CDH18: variants seen among roughly 807,000 people sequenced by gnomAD.
CDH18 encodes the protein cadherin 18, also known as cadherin-18.
CDH18 carries 31 observed loss-of-function variants against 67.9 expected under a neutral mutation model. The ratio of observed to expected loss-of-function variants is 0.46; its 90% confidence interval spans 0.34 to 0.62. The LOEUF (loss-of-function observed/expected upper bound fraction) is 0.62, where lower values mean the gene tolerates loss of function less well. Ranked by LOEUF, CDH18 falls within the 20% of genes least tolerant of loss-of-function variation. CDH18 has a pLI of 0.01. For missense variants in CDH18, 890 were observed against 975.5 expected (o/e 0.91, Z 1.17); for synonymous variants, 362 against 347.2 (o/e 1.04, Z -0.48).
At chr5:20,085,395 CCTAGG>C (rs1744854085) in intron 2 of CDH18, among the ~76,000 whole-genome samples, 3 of 152,208 alleles carry the variant, frequency 2.0e-5, no homozygotes, top group Non-Finnish European at 2.9e-5. Flanking sequence ...TCAACAAATC[CCTAGG>C]AAATTCCAAA....
intron 1 of CDH18, among the ~76,000 whole-genome samples, chr5:20,532,210 C>T (rs568482918): frequency 3.3e-5 from 5 of 152,100 alleles, no homozygotes; most frequent in Admixed American, 2.0e-4. Context: ...TGCTGTGATT[C>T]GGTACAATAT....
At chr5:19,880,578 A>G (rs1787529812) in intron 2 of CDH18, among the ~76,000 whole-genome samples, 2 of 152,094 alleles carry the variant, frequency 1.3e-5, no homozygotes, top group African/African-American at 4.8e-5. Context: ...AACTACTTTG[A>G]AAATGAAGTG....
intron 2 of CDH18, among the ~76,000 whole-genome samples, chr5:19,849,874 C>T (rs965094417): frequency 6.6e-6 from 1 of 151,046 alleles, no homozygotes; most frequent in African/African-American, 2.4e-5. Context: ...TATCTTATTA[C>T]AGTTGTTTTA....
chr5:20,501,406 A>G (rs952906695), intron 1 of CDH18, among the ~76,000 whole-genome samples: 6 of 143,106 alleles, frequency 4.2e-5, no homozygotes, highest in African/African-American at 1.3e-4. Context: ...TAAAATATAT[A>G]TATTTTTATA....
chr5:19,995,292 T>C (rs1206112079), intron 2 of CDH18, among the ~76,000 whole-genome samples: 1 of 152,146 alleles, frequency 6.6e-6, no homozygotes, highest in Non-Finnish European at 1.5e-5. Flanking sequence ...GAAAATTAAA[T>C]ATGCATAGAA....
intron 1 of CDH18, among the ~76,000 whole-genome samples, chr5:20,422,780 T>C (rs372129286): frequency 6.6e-6 from 1 of 151,116 alleles, no homozygotes; most frequent in Admixed American, 6.6e-5. Flanking sequence ...AAGGTAACTT[T>C]AAGTGTTTAT....
At chr5:20,070,774 T>A (rs1018119453) in intron 2 of CDH18, among the ~76,000 whole-genome samples, 1 of 152,164 alleles carries the variant, frequency 6.6e-6, no homozygotes, top group Non-Finnish European at 1.5e-5. Flanking sequence ...TACTCCTAGA[T>A]AAACTTCTCT....
chr5:20,334,069 C>T (rs967513072), intron 1 of CDH18, among the ~76,000 whole-genome samples: 3 of 147,274 alleles, frequency 2.0e-5, no homozygotes, highest in Non-Finnish European at 4.4e-5. Flanking sequence ...CTCTGAACAT[C>T]TTTGATATGG....
intron 1 of CDH18, among the ~76,000 whole-genome samples, chr5:20,546,469 G>A (rs1757349459): frequency 6.6e-6 from 1 of 152,152 alleles, no homozygotes; most frequent in Non-Finnish European, 1.5e-5. Context: ...AGTTTTGCAT[G>A]GATGGGAGGC....
At chr5:20,178,788 T>C (rs1737450000) in intron 2 of CDH18, among the ~76,000 whole-genome samples, 1 of 152,114 alleles carries the variant, frequency 6.6e-6, no homozygotes, top group Non-Finnish European at 1.5e-5. Context: ...GGTGGGGATA[T>C]TTTTACCCTT....
At chr5:19,555,765 C>A (rs763197584) in intron 8 of CDH18, among the ~76,000 whole-genome samples, 1 of 152,162 alleles carries the variant, frequency 6.6e-6, no homozygotes, top group Non-Finnish European at 1.5e-5. Context: ...CCTATACAAT[C>A]GCAACTGATG....
At chr5:19,678,528 T>A (rs1056278619) in intron 5 of CDH18, among the ~76,000 whole-genome samples, 12 of 151,842 alleles carry the variant, frequency 7.9e-5, no homozygotes, top group African/African-American at 2.7e-4. Context: ...ATCAAAGAGC[T>A]AGAAAGATCT....
intron 5 of CDH18, among the ~76,000 whole-genome samples, chr5:19,654,927 T>C (rs1279853706): frequency 1.3e-5 from 2 of 152,154 alleles, no homozygotes; most frequent in African/African-American, 2.4e-5. Flanking sequence ...TCTGCCATGC[T>C]GCTCTTCTGC....
intron 1 of CDH18, among the ~76,000 whole-genome samples, chr5:20,351,153 A>C (rs1307652218): frequency 7.9e-6 from 1 of 127,112 alleles, no homozygotes; most frequent in Non-Finnish European, 1.6e-5. Flanking sequence ...AAACATAGTA[A>C]ATGTATTTGT....
At chr5:19,507,985 C>T (rs1412446001) in intron 10 of CDH18, among the ~76,000 whole-genome samples, 1 of 151,460 alleles carries the variant, frequency 6.6e-6, no homozygotes, top group Non-Finnish European at 1.5e-5. Flanking sequence ...TAACAATGTC[C>T]CAATCATCTT....
At chr5:20,056,454 A>ATTTTTTTTTTTTTTTTT (rs1194617405) in intron 2 of CDH18, among the ~76,000 whole-genome samples, 1 of 16,448 alleles carries the variant, frequency 6.1e-5, no homozygotes. Flanking sequence ...TTTTTTTATT[A>ATTTTTTTTTTTTTTTTT]TTTTTCTTTA....
chr5:20,044,585 ATCT>A (rs955910230), intron 2 of CDH18, among the ~76,000 whole-genome samples: 5 of 152,108 alleles, frequency 3.3e-5, no homozygotes, highest in African/African-American at 1.2e-4. Flanking sequence ...AATGCAAAAG[ATCT>A]TCTTTGCACC....
At chr5:19,814,265 C>G (rs1458859151) in intron 3 of CDH18, among the ~76,000 whole-genome samples, 1 of 151,582 alleles carries the variant, frequency 6.6e-6, no homozygotes, top group African/African-American at 2.4e-5. Flanking sequence ...AAATGTTTCC[C>G]TTGTTGCTTA....
chr5:19,941,356 T>G (rs1794797702), intron 2 of CDH18, among the ~76,000 whole-genome samples: 1 of 152,104 alleles, frequency 6.6e-6, no homozygotes, highest in African/African-American at 2.4e-5. Context: ...ACAGCACAAA[T>G]GGAATAAGAT....
Sources: gnomAD v4.1 joint callset for allele counts (sites outside exome capture counted in the v4.1 genomes callset) on GRCh38, gnomAD v4.1.1 for gene constraint, MANE v1.5 for transcripts, NCBI Gene and HGNC (gene_info 2026-07-23, HGNC 2026-07-21) for gene names.